Variants in CCDC61 observed in about 807,000 individuals in gnomAD.
CCDC61 encodes coiled-coil domain containing 61, also known as centrosomal protein CCDC61.
In CCDC61, 55 loss-of-function variants were observed where a neutral mutation model predicts 63.0. The observed-to-expected ratio is 0.87, with a 90% CI of 0.70 to 1.09. The LOEUF is 1.09. Among genes scored for constraint, CCDC61 ranks in the 50% least tolerant of loss-of-function variants. The pLI is 0.00. For missense variants in CCDC61, 651 were observed against 731.4 expected (o/e 0.89, Z 1.27); for synonymous variants, 270 against 317.0 (o/e 0.85, Z 1.58).
Position 46,015,291 on chromosome 19 carries a change from G to T in CCDC61, c.762+32G>T. 1 of 1,558,744 alleles carries T rather than the reference G, an allele frequency of 6.4e-7. No homozygotes were observed. Among genetic ancestry groups the T allele is most frequent in the East Asian group, 2.4e-5 (1 of 42,494 alleles). ...AGCGGGGGCCCGGGGCGGCCAGCGA[G>T]GCGCGGACCTCGGCCTCAGCCTGGA... On this transcript the variant is annotated intron_variant, in intron 6 of 13. Transcript: ENST00000595358. This position sits in a 1 kb window ranked among gnomAD's most constrained non-coding sequence, Gnocchi z 5.3.
intron 3 of CCDC61, among the ~76,000 whole-genome samples, chr19:46,005,299 C>T (rs1287718554): frequency 4.6e-5 from 7 of 152,280 alleles, no homozygotes; most frequent in South Asian, 2.1e-4. Context: ...TGTGAGCCAC[C>T]GCGCCTGGCC....
chr19:46,014,880 C>G (rs1968892817), intron 5 of CCDC61, among the ~76,000 whole-genome samples, 169 bp from the exon 6 acceptor site: 1 of 152,166 alleles, frequency 6.6e-6, no homozygotes, highest in Non-Finnish European at 1.5e-5. Context: ...CCTCCTCACA[C>G]GTCGCAGGGG....
At chr19:46,006,899 A>ATCACC (rs1463058802) in intron 4 of CCDC61, among the ~76,000 whole-genome samples, 183 bp downstream of exon 4, 2 of 152,220 alleles carry the variant, frequency 1.3e-5, no homozygotes, top group African/African-American at 4.8e-5. Context: ...CAGAATAACC[A>ATCACC]TCACCAGTGC....
Position 46,016,336 on chromosome 19 carries a change from T to G in CCDC61, c.1034T>G (p.Phe345Cys). 1 of 1,613,902 alleles carries G rather than the reference T, an allele frequency of 6.2e-7. No homozygotes were observed. The highest frequency in any genetic ancestry group is 1.1e-5 in the South Asian group (1 of 91,080). Reference sequence around the variant, plus strand: ...GTCCTAGGTGGTCGCGCGCTCCGCTTCGACCCCACGGCCTTTGTGAAAGCC... The same window carrying G: ...GTCCTAGGTGGTCGCGCGCTCCGCTGCGACCCCACGGCCTTTGTGAAAGCC... ...PSPTGGRALR[F>C]DPTAFVKAKE... Residue 345 changes from phenylalanine to cysteine, a missense_variant, in exon 9 of 14, where the codon TTC (phenylalanine) becomes TGC (cysteine). Transcript: ENST00000595358. The surrounding 1 kb of genome is among the most constrained non-coding windows in gnomAD (Gnocchi z 7.2).
At chr19:45,998,250 A>G (rs1968529212) in intron 1 of CCDC61, among the ~76,000 whole-genome samples, 2 of 152,234 alleles carry the variant, frequency 1.3e-5, no homozygotes, top group African/African-American at 2.4e-5. Context: ...CCAAGGGCAG[A>G]AGGAACCTTT....
chr19:46,009,965 A>C (rs1283194762), intron 5 of CCDC61, among the ~76,000 whole-genome samples: 3 of 152,152 alleles, frequency 2.0e-5, no homozygotes, highest in African/African-American at 7.2e-5. Flanking sequence ...AGGAGCCTTG[A>C]GATCCCACCG....
chr19:46,004,338 T>A (rs978544842), intron 3 of CCDC61, among the ~76,000 whole-genome samples: 2 of 152,194 alleles, frequency 1.3e-5, no homozygotes, highest in Non-Finnish European at 2.9e-5. Context: ...GCATTGACAG[T>A]GTGTCAGTCA....
chr19:46,012,061 A>C (rs1460986958), intron 5 of CCDC61, among the ~76,000 whole-genome samples: 2 of 151,876 alleles, frequency 1.3e-5, no homozygotes, highest in Non-Finnish European at 2.9e-5. Context: ...CCTGTCTCAG[A>C]CTCCCAGAGT....
At chr19:46,001,771 G>A (rs1489674460) in intron 1 of CCDC61, among the ~76,000 whole-genome samples, 1 of 152,156 alleles carries the variant, frequency 6.6e-6, no homozygotes, top group Non-Finnish European at 1.5e-5. Context: ...GGTAATTTGG[G>A]AGCCACTGAA....
chr19:46,015,862 A>T lies in CCDC61; in HGVS notation c.846-192A>T, dbSNP rs1481937613. Among the ~76,000 whole-genome samples the T allele has an allele frequency of 7.6e-6, 1 of 132,054 alleles. No individual in the cohort carries two copies. The highest frequency in any genetic ancestry group is 1.6e-5 in the Non-Finnish European group (1 of 62,306). The allele number at this position is 132,054 out of a possible 152,430, so 86.6% of individuals were successfully genotyped here. On this transcript the variant is annotated intron_variant, in intron 7 of 13. Coordinates refer to ENST00000595358, the MANE Select transcript of CCDC61 (RefSeq NM_001267723.2). The surrounding 1 kb of genome is among the most constrained non-coding windows in gnomAD (Gnocchi z 5.3). ...TTGAAAGGATGTAGGGGAATGACAG[A>T]GGGGTGTTTTAGGGGTCCAATTGGG...
At chr19:45,998,128 C>T (rs1666209703) in intron 1 of CCDC61, among the ~76,000 whole-genome samples, 1 of 152,212 alleles carries the variant, frequency 6.6e-6, no homozygotes, top group African/African-American at 2.4e-5. Flanking sequence ...ATACTGTCCT[C>T]ACCACCCTTT....
In CCDC61 at chr19:46,006,654, C is replaced by T. The variant is rs1291086600; in HGVS notation, c.327C>T (p.Pro109=). ...GGGGCCGCCCAGGCTCCTTGGCCCC[C>T]AGGTCGGCCCAGCTCAACTCCAAGC... ...KMGGRPGSLA[P]RSAQLNSKRY... The change falls in exon 4 of 14, where the codon CCC becomes CCT. Residue 109 remains proline (P), a synonymous_variant. Transcript: ENST00000595358. The T allele has an allele frequency of 6.2e-7, 1 of 1,613,828 alleles. No individual in the cohort carries two copies. The highest frequency in any genetic ancestry group is 8.5e-7 in the Non-Finnish European group (1 of 1,179,826).
chr19:46,016,920 G>T lies in CCDC61; in HGVS notation c.1232-71G>T. 1.5e-6 allele frequency: 2 copies of T among 1,321,598 alleles called. No homozygotes were observed. The allele number at this position is 1,321,598 out of a possible 1,614,324, so 81.9% of individuals were successfully genotyped here. A position where few individuals can be genotyped will look rare whatever the true frequency, so the allele number is the denominator to read the frequency against. ...GGGAGGCACTGGGCAGGGCGGGCGG[G>T]CTGGGAGGGCCTGGGAAGCACTGGG... On this transcript the variant is annotated intron_variant, in intron 10 of 13. Coordinates refer to ENST00000595358, the MANE Select transcript of CCDC61 (RefSeq NM_001267723.2). This position sits in a 1 kb window ranked among gnomAD's most constrained non-coding sequence, Gnocchi z 7.2.
At chr19:45,998,561 T>C (rs759422041) in intron 1 of CCDC61, among the ~76,000 whole-genome samples, 35 of 152,248 alleles carry the variant, frequency 2.3e-4, no homozygotes, top group Non-Finnish European at 4.4e-4. Flanking sequence ...GGAGAAAACC[T>C]TGGCTGTATC....
Position 46,016,713 on chromosome 19 carries a change from T to G in CCDC61, c.1111T>G (p.Leu371Val). The change falls in exon 10 of 14, where the codon TTA becomes GTA. Residue 371 changes from leucine (L) to valine (V), a missense_variant. Coordinates refer to ENST00000595358, the MANE Select transcript of CCDC61 (RefSeq NM_001267723.2). The surrounding 1 kb of genome is among the most constrained non-coding windows in gnomAD (Gnocchi z 7.2). ...IQMKQQQRNR[L>V]GSGGSGDGPS... is the part of the protein sequence containing the mutation. ...TCCCAGGCAGCAGCAGCGGAACCGC[T>G]TAGGCAGTGGGGGAAGCGGGGACGG... 6.2e-7 allele frequency: 1 copy of G among 1,611,784 alleles called. No homozygotes were observed. Among genetic ancestry groups the G allele is most frequent in the Non-Finnish European group, 8.5e-7 (1 of 1,179,284 alleles).
In CCDC61 at chr19:46,018,156, C is replaced by T; in HGVS notation, c.1441+6C>T. The T allele has an allele frequency of 1.9e-6, 3 of 1,601,352 alleles. No homozygotes were observed. The highest frequency in any genetic ancestry group is 2.6e-6 in the Non-Finnish European group (3 of 1,174,358). The stretch of plus-strand genomic sequence containing the variant: ...GGGCTGGGTCCCCATCAAAGGTGAG[C>T]CTGGGACTCCACATCCCCTCTCCCA... On this transcript the variant is annotated splice_donor_region_variant and intron_variant, in intron 13 of 13. Coordinates refer to ENST00000595358, the MANE Select transcript of CCDC61 (RefSeq NM_001267723.2). This position sits in a 1 kb window ranked among gnomAD's most constrained non-coding sequence, Gnocchi z 4.2.
At position 46,012,496 on chromosome 19, in the gene CCDC61, A is replaced by C. The variant is rs551384470; in HGVS notation, c.552-2553A>C. On this transcript the variant is annotated intron_variant, in intron 5 of 13. Transcript: ENST00000595358. ...CCCTGTCTCTACTAAAAATACAAAA[A>C]TTTAGCTGGGCAGGGTGGCGCATGC... Among the ~76,000 whole-genome samples the C allele has an allele frequency of 2.0e-3, 309 of 152,224 alleles. 3 individuals carry two copies. Among genetic ancestry groups the C allele is most frequent in the African/African-American group, 6.8e-3 (284 of 41,550 alleles).
chr19:46,008,833 A>T (rs1179289115), intron 5 of CCDC61, among the ~76,000 whole-genome samples: 1 of 152,116 alleles, frequency 6.6e-6, no homozygotes, highest in Non-Finnish European at 1.5e-5. Context: ...GTTTGCAGAC[A>T]GTGAAGGCTC....
rs1600643797 is a variant in CCDC61 at position 46,004,870 on chromosome 19, A to G, written c.231+1369A>G. ...TTTTTTTTTTTTTTTTTGAGACAAG[A>G]GTTTTGCTCGGTTGCCCAGGCTTAG... On this transcript the variant is annotated intron_variant, in intron 3 of 13. Transcript: ENST00000595358. Among the ~76,000 whole-genome samples, 18 of 109,210 alleles carry G rather than the reference A, an allele frequency of 1.6e-4. 1 individual carries two copies. The South Asian group carries it at 5.5e-3, about 33-fold the overall frequency. The allele number at this position is 109,210 out of a possible 152,430, so 71.6% of individuals were successfully genotyped here.
Sources: allele counts gnomAD v4.1 joint callset (sites outside exome capture counted in the v4.1 genomes callset), GRCh38; gene constraint gnomAD v4.1.1; non-coding constraint Gnocchi (gnomAD v3.1); transcripts MANE v1.5; gene names NCBI Gene and HGNC (gene_info 2026-07-23, HGNC 2026-07-21).